Variants in NEMP2 observed in about 807,000 individuals in gnomAD.
NEMP2 encodes the protein nuclear envelope integral membrane protein 2.
In NEMP2, 53 loss-of-function variants were observed where a neutral mutation model predicts 54.2. That is an observed-to-expected ratio of 0.98 (90% CI 0.78 to 1.23). NEMP2 has a LOEUF of 1.23. NEMP2 is among the 50% of genes most tolerant of loss of function. The probability of loss-of-function intolerance (pLI) is 0.00; values close to 1 mark genes in which losing one functional copy is unlikely to be tolerated. For missense variants in NEMP2, 455 were observed against 511.3 expected, an observed-to-expected ratio of 0.89 and a Z score of 1.06; for synonymous variants, 197 against 190.3, an observed-to-expected ratio of 1.04 and a Z score of -0.29.
upstream of NEMP2, among the ~76,000 whole-genome samples, chr2:190,537,455 C>T (rs1386306486): frequency 2.0e-5 from 3 of 152,288 alleles, no homozygotes; most frequent in East Asian, 5.8e-4. Flanking sequence ...GGCTTTTCCC[C>T]TTCACTCAGC....
chr2:190,448,990 G>GT, the NEMP2 span, among the ~76,000 whole-genome samples: 3 of 152,230 alleles, frequency 2.0e-5, no homozygotes, highest in Admixed American at 6.5e-5. Flanking sequence ...AGCTGTATAT[G>GT]TTTTAAAGAA....
intron 1 of NEMP2, chr2:190,534,225 G>A: frequency 9.2e-7 from 1 of 1,085,102 alleles, no homozygotes. Context: ...AGGGTCAGCT[G>A]TGCCAGTGAC....
At chr2:190,641,823 G>C in the NEMP2 span, among the ~76,000 whole-genome samples, 3 of 152,210 alleles carry the variant, frequency 2.0e-5, no homozygotes, top group Non-Finnish European at 4.4e-5. Context: ...AGAAGATAGA[G>C]TTGCGGAGTT....
At chr2:190,496,417 G>A in the NEMP2 span, among the ~76,000 whole-genome samples, 1 of 152,146 alleles carries the variant, frequency 6.6e-6, no homozygotes, top group African/African-American at 2.4e-5. The surrounding 1 kb of genome is among the most constrained non-coding windows in gnomAD (Gnocchi z 4.7). Flanking sequence ...ATGGAAAACA[G>A]TGTGGAGATT....
At chr2:190,437,152 T>C in the NEMP2 span, 1 of 1,614,262 alleles carries the variant, frequency 6.2e-7, no homozygotes, top group East Asian at 2.2e-5. This position sits in a 1 kb window ranked among gnomAD's most constrained non-coding sequence, Gnocchi z 5.9. Flanking sequence ...CTTCATCGTC[T>C]TCGGCGTTCT....
At chr2:190,460,042 C>T in the NEMP2 span, among the ~76,000 whole-genome samples, 1 of 152,310 alleles carries the variant, frequency 6.6e-6, no homozygotes, top group South Asian at 2.1e-4. Flanking sequence ...TGTGGGACTA[C>T]CACTGACTCT....
chr2:190,433,929 G>A, the NEMP2 span, among the ~76,000 whole-genome samples: 2 of 152,092 alleles, frequency 1.3e-5, no homozygotes, highest in African/African-American at 4.8e-5. This position sits in a 1 kb window ranked among gnomAD's most constrained non-coding sequence, Gnocchi z 4.5. Context: ...AGTGGTTCAC[G>A]CCTGTAATCC....
the NEMP2 span, among the ~76,000 whole-genome samples, chr2:190,540,303 A>G: frequency 7.2e-6 from 1 of 138,318 alleles, no homozygotes; most frequent in African/African-American, 2.7e-5. Flanking sequence ...TTTTTTTTTG[A>G]GACAGCACCT....
chr2:190,506,405 A>G lies in NEMP2; in HGVS notation c.*2784T>C, dbSNP rs1690187500. On this transcript the variant is annotated 3_prime_UTR_variant, in exon 9 of 9. Coordinates refer to ENST00000409150, the MANE Select transcript of NEMP2 (RefSeq NM_001142645.2). This position sits in a 1 kb window ranked among gnomAD's most constrained non-coding sequence, Gnocchi z 6.3. ...ACTCTGGGAAACAATCACACATAGC[A>G]TAATGTAAGAGAGCATTTCTTTAGT... 2 of 152,242 alleles carry G rather than the reference A, an allele frequency of 1.3e-5. No homozygotes were observed. Among genetic ancestry groups the G allele is most frequent in the African/African-American group, 4.8e-5 (2 of 41,456 alleles). The allele number at this position is 152,242 out of a possible 1,614,324, so 9.4% of individuals were successfully genotyped here.
the NEMP2 span, among the ~76,000 whole-genome samples, chr2:190,611,360 C>T: frequency 5.9e-5 from 9 of 152,166 alleles, no homozygotes; most frequent in Non-Finnish European, 8.8e-5. This position sits in a 1 kb window ranked among gnomAD's most constrained non-coding sequence, Gnocchi z 5.4. Flanking sequence ...TTCACCTTTA[C>T]GTTAGTGTGC....
chr2:190,634,445 G>A, the NEMP2 span, among the ~76,000 whole-genome samples: 2 of 151,848 alleles, frequency 1.3e-5, no homozygotes, highest in African/African-American at 4.8e-5. This position sits in a 1 kb window ranked among gnomAD's most constrained non-coding sequence, Gnocchi z 6.8. Flanking sequence ...AAACACATAG[G>A]GAGAAAAAAA....
intron 5 of NEMP2, among the ~76,000 whole-genome samples, chr2:190,517,108 AAAAG>A (rs1043361922): frequency 2.0e-5 from 3 of 151,552 alleles, no homozygotes; most frequent in African/African-American, 7.3e-5. Context: ...AAAAAAAAAA[AAAAG>A]AAGGTGGGTT....
the NEMP2 span, among the ~76,000 whole-genome samples, chr2:190,485,414 T>C: frequency 6.6e-6 from 1 of 152,236 alleles, no homozygotes; most frequent in Non-Finnish European, 1.5e-5. The surrounding 1 kb of genome is among the most constrained non-coding windows in gnomAD (Gnocchi z 5.1). Context: ...TTTCAGGTTT[T>C]CGGTAATTCA....
chr2:190,627,482 A>G, the NEMP2 span, among the ~76,000 whole-genome samples: 1 of 152,182 alleles, frequency 6.6e-6, no homozygotes, highest in Non-Finnish European at 1.5e-5. The surrounding 1 kb of genome is among the most constrained non-coding windows in gnomAD (Gnocchi z 4.4). Flanking sequence ...TTTCTTGACT[A>G]CATTTTAAAA....
At chr2:190,452,770 A>G in the NEMP2 span, among the ~76,000 whole-genome samples, 1 of 152,094 alleles carries the variant, frequency 6.6e-6, no homozygotes, top group Non-Finnish European at 1.5e-5. Flanking sequence ...CACGTCCCCA[A>G]ATTATTCCTT....
chr2:190,555,990 G>A, the NEMP2 span, among the ~76,000 whole-genome samples: 6 of 152,162 alleles, frequency 3.9e-5, no homozygotes, highest in African/African-American at 7.2e-5. This position sits in a 1 kb window ranked among gnomAD's most constrained non-coding sequence, Gnocchi z 4.8. Flanking sequence ...GGCCAGCATC[G>A]CCCTGATACC....
chr2:190,629,405 C>T, the NEMP2 span, among the ~76,000 whole-genome samples: 1 of 152,130 alleles, frequency 6.6e-6, no homozygotes, highest in Non-Finnish European at 1.5e-5. Flanking sequence ...ACTAAGATAT[C>T]AGTTTGTAAG....
the NEMP2 span, among the ~76,000 whole-genome samples, chr2:190,605,125 C>G: frequency 6.6e-6 from 1 of 152,176 alleles, no homozygotes; most frequent in African/African-American, 2.4e-5. Flanking sequence ...TAACTTTTCT[C>G]TCACTGAAAC....
the NEMP2 span, among the ~76,000 whole-genome samples, chr2:190,630,393 T>C: frequency 1.3e-5 from 2 of 152,256 alleles, no homozygotes; most frequent in Admixed American, 6.5e-5. The surrounding 1 kb of genome is among the most constrained non-coding windows in gnomAD (Gnocchi z 5.5). Flanking sequence ...AATTTTTGTA[T>C]TTTTAGTAGA....
Sources: allele counts gnomAD v4.1 joint callset (sites outside exome capture counted in the v4.1 genomes callset), GRCh38; gene constraint gnomAD v4.1.1; non-coding constraint Gnocchi (gnomAD v3.1); transcripts MANE v1.5; gene names NCBI Gene and HGNC (gene_info 2026-07-23, HGNC 2026-07-21).